The following CFAP54 variants were observed in gnomAD, a reference collection of about 807,000 sequenced individuals.
The protein encoded by CFAP54 is cilia and flagella associated protein 54.
A neutral mutation model predicts 370.4 loss-of-function variants in CFAP54; 290 were observed. That is an observed-to-expected ratio of 0.78 (90% confidence interval 0.71 to 0.86). The LOEUF (loss-of-function observed/expected upper bound fraction) is 0.86. Among genes scored for constraint, CFAP54 ranks in the 40% least tolerant of loss-of-function variants. The probability of loss-of-function intolerance (pLI) is 0.00; values close to 1 mark genes in which losing one functional copy is unlikely to be tolerated. For synonymous variants in CFAP54, 1,206 were observed against 1,236.5 expected (o/e 0.98, Z 0.52); for missense variants, 3,399 against 3,528.7 (o/e 0.96, Z 0.93).
chr12:96,765,003 C>T (rs1770645948), intron 59 of CFAP54, 74 bp from the exon 60 acceptor site: 2 of 1,137,044 alleles, frequency 1.8e-6, no homozygotes, highest in South Asian at 3.3e-5. Context: ...ACTTTTTTCA[C>T]ATTATTTACC....
chr12:96,781,879 A>C (rs1592758328), intron 60 of CFAP54, among the ~76,000 whole-genome samples: 1 of 152,150 alleles, frequency 6.6e-6, no homozygotes, highest in Non-Finnish European at 1.5e-5. Flanking sequence ...GGAACTAACT[A>C]TTAGAAGAAC....
At chr12:96,821,704 A>T (rs906494514) in intron 65 of CFAP54, among the ~76,000 whole-genome samples, 4 of 26,000 alleles carry the variant, frequency 1.5e-4, no homozygotes, top group East Asian at 2.2e-3. Context: ...CACTTTATTA[A>T]AAAAAAAAAA....
Position 96,555,591 on chromosome 12 carries a change from T to A in CFAP54, c.2410+789T>A, listed in dbSNP as rs185486197. Among the ~76,000 whole-genome samples the A allele has an allele frequency of 2.1e-3, 319 of 148,950 alleles. 3 individuals are homozygous for A. The highest frequency in any genetic ancestry group is 4.1e-3 in the Admixed American group (61 of 14,900). ...AATATATAATATGTAATATATAATA[T>A]GTAATTATATTTCTATACAACAGCA... On this transcript the variant is annotated intron_variant, in intron 17 of 67. Transcript: ENST00000524981.
intron 4 of CFAP54, among the ~76,000 whole-genome samples, chr12:96,508,704 TTC>T (rs1008249363): frequency 9.0e-5 from 13 of 144,210 alleles, no homozygotes; most frequent in African/African-American, 3.1e-4. Flanking sequence ...CTAGATTTTA[TTC>T]TGTTTCCTTT....
chr12:96,573,992 G>A lies in CFAP54; in HGVS notation c.2620-2593G>A, dbSNP rs946109997. Reference sequence around the variant, plus strand: ...ATCATCGTGGATACATTTTAATCACGATTAATGATTTTAGACCTTAATGTC... The same window carrying A: ...ATCATCGTGGATACATTTTAATCACAATTAATGATTTTAGACCTTAATGTC... On this transcript the variant is annotated intron_variant, in intron 19 of 67. Transcript: ENST00000524981. Among the ~76,000 whole-genome samples the A allele has an allele frequency of 3.3e-5, 5 of 152,166 alleles. No individual in the cohort carries two copies. The South Asian group carries it at 6.2e-4, about 19-fold the overall frequency.
chr12:96,768,293 C>T (rs1350477517), intron 60 of CFAP54, among the ~76,000 whole-genome samples: 1 of 152,080 alleles, frequency 6.6e-6, no homozygotes, highest in Middle Eastern at 3.2e-3. Context: ...TGCACTCCAG[C>T]CTCAGTGACA....
chr12:96,831,954 T>C (rs951414834), intron 66 of CFAP54, among the ~76,000 whole-genome samples: 7 of 152,350 alleles, frequency 4.6e-5, no homozygotes, highest in African/African-American at 1.7e-4. Flanking sequence ...CAAGCTTAAG[T>C]CTAATTTTGG....
chr12:96,550,532 G>A (rs755148133), intron 15 of CFAP54, among the ~76,000 whole-genome samples: 4 of 152,062 alleles, frequency 2.6e-5, no homozygotes, highest in Non-Finnish European at 4.4e-5. Context: ...AGCCAAGATC[G>A]CACCACTGCA....
intron 26 of CFAP54, among the ~76,000 whole-genome samples, chr12:96,604,003 G>A (rs937214536): frequency 1.3e-5 from 2 of 152,164 alleles, no homozygotes; most frequent in African/African-American, 2.4e-5. Context: ...CCCCTTGCTG[G>A]TGAGGAGTTG....
At chr12:96,666,987 A>T (rs1161268525) in intron 39 of CFAP54, among the ~76,000 whole-genome samples, 1 of 152,224 alleles carries the variant, frequency 6.6e-6, no homozygotes, top group Non-Finnish European at 1.5e-5. Flanking sequence ...AAATACACCC[A>T]TTCCAAATGG....
At chr12:96,624,732 C>T (rs938074957) in intron 28 of CFAP54, among the ~76,000 whole-genome samples, 5 of 152,180 alleles carry the variant, frequency 3.3e-5, no homozygotes, top group Admixed American at 6.5e-5. Flanking sequence ...AATTCCATGT[C>T]CCTACCTCAC....
rs544126897 is a variant in CFAP54, at chr12:96,564,834, T to C, written c.2619+69T>C. The C allele has an allele frequency of 3.3e-4, 173 of 519,474 alleles. 1 individual carries two copies. The highest frequency in any genetic ancestry group is 2.8e-3 in the African/African-American group (142 of 50,632). The allele number at this position is 519,474 out of a possible 1,614,324, so 32.2% of individuals were successfully genotyped here. ...CTGTTAAAATGAATGATTCATTTCC[T>C]TTATTAAAAATAATGTGTTGCCCTT... is the stretch of plus-strand genomic sequence containing the variant. On this transcript the variant is annotated intron_variant, in intron 19 of 67. Transcript: ENST00000524981.
chr12:96,557,041 C>T (rs1336200913), intron 17 of CFAP54, among the ~76,000 whole-genome samples: 2 of 152,044 alleles, frequency 1.3e-5, no homozygotes, highest in African/African-American at 4.8e-5. Flanking sequence ...CACATGTACC[C>T]CCGAACTTAA....
At chr12:96,674,238 A>G (rs540511725) in intron 39 of CFAP54, among the ~76,000 whole-genome samples, 1 of 151,886 alleles carries the variant, frequency 6.6e-6, no homozygotes, top group South Asian at 2.1e-4. Context: ...ATTTCAGATC[A>G]CTTGCTGGGA....
At chr12:96,536,608 C>G (rs889638636) in intron 12 of CFAP54, among the ~76,000 whole-genome samples, 2 of 131,580 alleles carry the variant, frequency 1.5e-5, no homozygotes, top group Non-Finnish European at 3.3e-5. Flanking sequence ...ATCTGTTTTT[C>G]TTTGTCTTTT....
At chr12:96,627,491 T>G (rs12317460) in intron 30 of CFAP54, among the ~76,000 whole-genome samples, 62,455 of 152,008 alleles carry the variant, frequency 0.41, 13,412 homozygotes, top group Admixed American at 0.5. Flanking sequence ...TTTTATCAAC[T>G]GAGAGTGGGC....
intron 66 of CFAP54, among the ~76,000 whole-genome samples, chr12:96,856,607 C>T (rs1959711179): frequency 6.6e-6 from 1 of 151,180 alleles, no homozygotes; most frequent in Non-Finnish European, 1.5e-5. Flanking sequence ...TCTGAGACCA[C>T]CTCATCCTGG....
chr12:96,663,830 A>G lies in CFAP54; in HGVS notation c.5461A>G (p.Ile1821Val). Residue 1821 changes from isoleucine to valine, a missense_variant and splice_region_variant, in exon 39 of 68, where the codon ATA becomes GTA. Physicochemically the swap from Ile to Val is conservative, Grantham distance 29. Transcript: ENST00000524981. ...TTTGTTTTCACCTTTCTTTTTAAAG[A>G]TAACTTGCCGAAATTTCATTGGGAA... ...ARYEAEYGEK[I>V]TCRNFIGKQL... 1 of 1,610,428 alleles carries G rather than the reference A, an allele frequency of 6.2e-7. No individual in the cohort carries two copies. Among genetic ancestry groups the G allele is most frequent in the Non-Finnish European group, 8.5e-7 (1 of 1,177,706 alleles).
chr12:96,647,838 T>C (rs1205496062), intron 33 of CFAP54, 37 bp from the exon 34 acceptor site: 1 of 1,462,310 alleles, frequency 6.8e-7, no homozygotes, highest in Non-Finnish European at 9.0e-7. Context: ...CAATTTTGCT[T>C]ATATTGTTTT....
Sources: gnomAD v4.1 joint callset for allele counts (sites outside exome capture counted in the v4.1 genomes callset) on GRCh38, gnomAD v4.1.1 for gene constraint, MANE v1.5 for transcripts, NCBI Gene and HGNC (gene_info 2026-07-23, HGNC 2026-07-21) for gene names.